Variants in ZNF420 observed in about 807,000 individuals in gnomAD.
ZNF420 encodes the protein zinc finger protein 420, also known as ATM and p53-associated KZNF protein.
A neutral mutation model predicts 44.7 loss-of-function variants in ZNF420; 31 were observed. That is an observed-to-expected ratio of 0.69 (90% CI 0.52 to 0.94). ZNF420 has a LOEUF of 0.94. Ranked by LOEUF, ZNF420 falls within the 40% of genes least tolerant of loss-of-function variation. The pLI is 0.00. For missense variants in ZNF420, 681 were observed against 827.9 expected, an observed-to-expected ratio of 0.82 and a Z score of 2.18; for synonymous variants, 245 against 267.4, an observed-to-expected ratio of 0.92 and a Z score of 0.82.
chr19:37,038,176 G>A (rs1264426344), intron 1 of ZNF420, among the ~76,000 whole-genome samples: 2 of 152,028 alleles, frequency 1.3e-5, no homozygotes, highest in Admixed American at 6.5e-5. Flanking sequence ...AATTAAGTAT[G>A]CAATAGCGTT....
At chr19:37,057,135 T>A (rs557590764) in intron 1 of ZNF420, among the ~76,000 whole-genome samples, 1 of 152,344 alleles carries the variant, frequency 6.6e-6, no homozygotes, top group Non-Finnish European at 1.5e-5. Context: ...GGCTCTGGCC[T>A]GACCTCTCCA....
chr19:37,104,444 A>G (rs1599684954), intron 4 of ZNF420, among the ~76,000 whole-genome samples: 1 of 152,160 alleles, frequency 6.6e-6, no homozygotes, highest in African/African-American at 2.4e-5. Flanking sequence ...TGCAATAAAC[A>G]TACGTGTGCA....
intron 2 of ZNF420, among the ~76,000 whole-genome samples, chr19:37,083,168 CTT>C (rs754635723): frequency 1.2e-4 from 17 of 137,184 alleles, no homozygotes; most frequent in Non-Finnish European, 9.6e-5. Flanking sequence ...CCCGTTTTTG[CTT>C]TTTTTTTTTT....
At chr19:37,057,964 CCT>C (rs1967790040) in intron 1 of ZNF420, among the ~76,000 whole-genome samples, 1 of 152,124 alleles carries the variant, frequency 6.6e-6, no homozygotes, top group Non-Finnish European at 1.5e-5. Context: ...GGAATGCTGG[CCT>C]CTCTGGACAA....
At chr19:37,113,058 C>G (rs1970467016) in intron 4 of ZNF420, among the ~76,000 whole-genome samples, 1 of 152,196 alleles carries the variant, frequency 6.6e-6, no homozygotes, top group African/African-American at 2.4e-5. Flanking sequence ...TCCCTGAAAA[C>G]CCTGAGGAAC....
chr19:37,074,454 T>G (rs139049579), upstream of ZNF420, among the ~76,000 whole-genome samples: 1,327 of 152,134 alleles, frequency 8.7e-3, 20 homozygotes, highest in Non-Finnish European at 0.012. Flanking sequence ...TCTTAAAAAA[T>G]GTCATGAAAT....
intron 4 of ZNF420, among the ~76,000 whole-genome samples, chr19:37,104,352 A>G (rs144489123): frequency 0.013 from 1,991 of 152,174 alleles, 46 homozygotes; most frequent in African/African-American, 0.045. Context: ...TCCATGGTGT[A>G]TATATGCCAC....
chr19:37,022,654 A>C (rs1034813743), intron 1 of ZNF420, among the ~76,000 whole-genome samples: 4 of 152,246 alleles, frequency 2.6e-5, no homozygotes, highest in Non-Finnish European at 4.4e-5. Flanking sequence ...AATGGAAGCT[A>C]ATATTTATTG....
intron 1 of ZNF420, among the ~76,000 whole-genome samples, chr19:37,051,587 G>T (rs970891745): frequency 2.0e-4 from 30 of 152,094 alleles, no homozygotes; most frequent in African/African-American, 6.0e-4. Flanking sequence ...ATTTTTTATT[G>T]CATCTATTTG....
rs142913992 is a variant in ZNF420, at chr19:37,061,924, C to G, written c.-124-18421C>G. On this transcript the variant is annotated intron_variant, in intron 1 of 4. Coordinates refer to the ZNF420 transcript ENST00000587029. Reference sequence around the variant, plus strand: ...CAACGTTTAATGGTGACAATCATTGCTCTGAGCAACTTAACAACTCTTTAA... The same window carrying G: ...CAACGTTTAATGGTGACAATCATTGGTCTGAGCAACTTAACAACTCTTTAA... 6.0e-3 allele frequency among the ~76,000 whole-genome samples: 914 copies of G among 152,260 alleles called. 4 individuals are homozygous for G. The highest frequency in any genetic ancestry group is 0.01 in the Middle Eastern group (3 of 294).
At chr19:37,040,413 A>G (rs186185389) in intron 1 of ZNF420, among the ~76,000 whole-genome samples, 10 of 152,234 alleles carry the variant, frequency 6.6e-5, no homozygotes, top group African/African-American at 2.2e-4. Flanking sequence ...TTCTATCCAG[A>G]CCACTTAAAC....
chr19:37,081,050 C>CT (rs1425981523), intron 2 of ZNF420, among the ~76,000 whole-genome samples: 2 of 129,904 alleles, frequency 1.5e-5, no homozygotes, highest in African/African-American at 3.1e-5. Flanking sequence ...GAGCGAGACT[C>CT]TGTCTCAAAA....
upstream of ZNF420, among the ~76,000 whole-genome samples, chr19:37,074,165 C>T (rs184832025): frequency 3.9e-5 from 6 of 152,170 alleles, no homozygotes; most frequent in African/African-American, 2.4e-5. Context: ...CAAAATATCC[C>T]CATCAGATTA....
chr19:37,080,872 G>A (rs1053546174), intron 2 of ZNF420, among the ~76,000 whole-genome samples: 1 of 151,770 alleles, frequency 6.6e-6, no homozygotes. Flanking sequence ...GGAAAAAGGT[G>A]AAACCCCGTC....
intron 1 of ZNF420, among the ~76,000 whole-genome samples, chr19:37,012,886 C>G (rs1353746110): frequency 6.7e-6 from 1 of 148,964 alleles, no homozygotes; most frequent in African/African-American, 2.5e-5. Flanking sequence ...CGCCCGTTTG[C>G]GTGTGTGTGT....
chr19:37,032,421 C>T (rs948423048), intron 1 of ZNF420, among the ~76,000 whole-genome samples: 6 of 150,440 alleles, frequency 4.0e-5, no homozygotes, highest in African/African-American at 1.5e-4. Flanking sequence ...ATGAGAATCA[C>T]TTGAACCTGG....
chr19:37,117,260 C>T (rs1432553044), intron 4 of ZNF420, among the ~76,000 whole-genome samples: 3 of 152,178 alleles, frequency 2.0e-5, no homozygotes, highest in Non-Finnish European at 4.4e-5. Flanking sequence ...ACAAAACTTC[C>T]AGAGGAACGA....
At chr19:37,070,942 C>T (rs1174660640) in intron 1 of ZNF420, among the ~76,000 whole-genome samples, 1 of 152,164 alleles carries the variant, frequency 6.6e-6, no homozygotes, top group East Asian at 1.9e-4. Flanking sequence ...TAAAGTTTCA[C>T]TAGAACACAC....
chr19:37,012,381 C>T (rs1239081128), intron 1 of ZNF420, among the ~76,000 whole-genome samples: 1 of 152,194 alleles, frequency 6.6e-6, no homozygotes, highest in African/African-American at 2.4e-5. Context: ...CCATGGTTGC[C>T]TAAGAAACCA....
Sources: gnomAD v4.1 joint callset for allele counts (sites outside exome capture counted in the v4.1 genomes callset) on GRCh38, gnomAD v4.1.1 for gene constraint, MANE v1.5 for transcripts, NCBI Gene and HGNC (gene_info 2026-07-23, HGNC 2026-07-21) for gene names.